PKD1L1: variants seen among roughly 807,000 people sequenced by gnomAD.
PKD1L1 encodes the protein polycystin-1-like protein 1.
PKD1L1 carries 236 observed loss-of-function variants against 323.4 expected under a neutral mutation model. That is an observed-to-expected ratio of 0.73 (90% confidence interval 0.66 to 0.81). The LOEUF is 0.81. Ranked by LOEUF, PKD1L1 falls within the 40% of genes least tolerant of loss-of-function variation. The probability of loss-of-function intolerance (pLI) is 0.00; values close to 1 mark genes in which losing one functional copy is unlikely to be tolerated. For synonymous variants in PKD1L1, 1,344 were observed against 1,335.0 expected (o/e 1.01, Z -0.15); for missense variants, 3,320 against 3,508.0 (o/e 0.95, Z 1.35).
At chr7:47,776,914 A>C (rs1390065526) in intron 56 of PKD1L1, among the ~76,000 whole-genome samples, 1 of 152,006 alleles carries the variant, frequency 6.6e-6, no homozygotes, top group Non-Finnish European at 1.5e-5. Context: ...TTTTTTGAGA[A>C]GGAGTCTTGC....
intron 8 of PKD1L1, among the ~76,000 whole-genome samples, chr7:47,912,525 A>G (rs1444866461): frequency 6.6e-6 from 1 of 152,122 alleles, no homozygotes; most frequent in Non-Finnish European, 1.5e-5. Context: ...AAATAAAGAA[A>G]TAACTACCGG....
At chr7:47,859,777 C>T (rs1160608215) in intron 26 of PKD1L1, among the ~76,000 whole-genome samples, 1 of 152,104 alleles carries the variant, frequency 6.6e-6, no homozygotes, top group Non-Finnish European at 1.5e-5. Flanking sequence ...AGGCACCCAC[C>T]ACCATGCCCA....
intron 46 of PKD1L1, 61 bp downstream of exon 46, chr7:47,821,015 C>T: frequency 2.0e-6 from 2 of 992,650 alleles, no homozygotes; most frequent in East Asian, 2.4e-5. Context: ...GGGGAAGGTG[C>T]ACACAGGCTA....
At chr7:47,777,355 C>T (rs1415312917) in intron 56 of PKD1L1, among the ~76,000 whole-genome samples, 1 of 152,206 alleles carries the variant, frequency 6.6e-6, no homozygotes, top group Non-Finnish European at 1.5e-5. Context: ...ATGGTCTCCT[C>T]CTTCCATGGA....
In PKD1L1 at chr7:47,827,525, C is replaced by T. The variant is rs1323007050; in HGVS notation, c.6736-57G>A. The T allele has an allele frequency of 3.5e-6, 5 of 1,427,448 alleles. No homozygotes were observed. In the African/African-American group the frequency reaches 5.6e-5, roughly 16 times the overall value. 88.4% of individuals were successfully genotyped at this position (1,427,448 alleles called of 1,614,324 possible). A position where few individuals can be genotyped will look rare whatever the true frequency, so the allele number is the denominator to read the frequency against. On this transcript the variant is annotated intron_variant, in intron 44 of 56. Coordinates refer to ENST00000289672, the MANE Select transcript of PKD1L1 (RefSeq NM_138295.5). ...GCTGGTGGGTGGAAGGAGAGAGGCC[C>T]CTGGTGCTCCTGCCAAGCCAAGGAA...
At chr7:47,912,470 A>T (rs1787341039) in intron 8 of PKD1L1, among the ~76,000 whole-genome samples, 1 of 152,176 alleles carries the variant, frequency 6.6e-6, no homozygotes, top group Non-Finnish European at 1.5e-5. Context: ...GGTGACCCAG[A>T]GTGGCCAGCA....
chr7:47,922,859 G>A (rs953235176), intron 7 of PKD1L1, among the ~76,000 whole-genome samples: 4 of 152,336 alleles, frequency 2.6e-5, no homozygotes, highest in Non-Finnish European at 4.4e-5. Context: ...CATTGAGAAC[G>A]GGCCATGATG....
chr7:47,803,969 G>T (rs1008783958), intron 52 of PKD1L1, among the ~76,000 whole-genome samples: 23 of 152,162 alleles, frequency 1.5e-4, no homozygotes, highest in Admixed American at 1.2e-3. Context: ...TAGGAAGGCT[G>T]CTCCCTTCTC....
Position 47,884,665 on chromosome 7 carries a change from A to G in PKD1L1, c.3206-8T>C. The G allele has an allele frequency of 1.2e-6, 2 of 1,609,716 alleles. No homozygotes were observed. The highest frequency in any genetic ancestry group is 1.7e-6 in the Non-Finnish European group (2 of 1,175,980). ...TGTAATAGGCTTCAAAATCTATAAG[A>G]AAGGACAAAATCATAATGTTTCCTT... On this transcript the variant is annotated splice_region_variant and splice_polypyrimidine_tract_variant and intron_variant, in intron 18 of 56. Coordinates refer to ENST00000289672, the MANE Select transcript of PKD1L1 (RefSeq NM_138295.5).
At chr7:47,781,852 G>A (rs1219512442) in intron 56 of PKD1L1, among the ~76,000 whole-genome samples, 1 of 152,082 alleles carries the variant, frequency 6.6e-6, no homozygotes, top group African/African-American at 2.4e-5. Context: ...ATGAGGTATA[G>A]GTACAAGTTC....
At chr7:47,800,168 C>T (rs1049251720) in intron 54 of PKD1L1, among the ~76,000 whole-genome samples, 1 of 152,186 alleles carries the variant, frequency 6.6e-6, no homozygotes, top group African/African-American at 2.4e-5. Context: ...TATGACATGA[C>T]TAGATTTGCC....
Position 47,943,518 on chromosome 7 carries a change from G to T in PKD1L1, c.45-7C>A. The stretch of plus-strand genomic sequence containing the variant: ...GCAGGCAGCCTGGAGACACCTAAGG[G>T]AAAGAAAATAACCAGAGGAAAATTA... On this transcript the variant is annotated splice_polypyrimidine_tract_variant and splice_region_variant and intron_variant, in intron 1 of 56. Transcript: ENST00000289672. The T allele has an allele frequency of 6.2e-7, 1 of 1,607,368 alleles. No individual in the cohort carries two copies. The highest frequency in any genetic ancestry group is 8.5e-7 in the Non-Finnish European group (1 of 1,174,660).
rs1349351825 is a variant in PKD1L1 at position 47,835,326 on chromosome 7, T to C, written c.5944-83A>G. The stretch of plus-strand genomic sequence containing the variant: ...CAGTCATTGTGTAATTACAAATACA[T>C]GTAATGTGAATACATACATTATATT... On this transcript the variant is annotated intron_variant, in intron 37 of 56. Transcript: ENST00000289672. 2.8e-5 allele frequency: 23 copies of C among 816,848 alleles called. No individual in the cohort carries two copies. In the Admixed American group the frequency reaches 6.4e-4, roughly 23 times the overall value. 50.6% of individuals were successfully genotyped at this position (816,848 alleles called of 1,614,324 possible).
intron 54 of PKD1L1, among the ~76,000 whole-genome samples, chr7:47,796,471 C>T (rs1437112284): frequency 6.6e-6 from 1 of 152,170 alleles, no homozygotes; most frequent in Non-Finnish European, 1.5e-5. Context: ...GTTTCAGTGT[C>T]CCCTGGTGAA....
rs766902715 is a variant in PKD1L1 at position 47,853,164 on chromosome 7, T to A, written c.4923A>T (p.Ser1641=). 1 of 1,613,832 alleles carries A rather than the reference T, an allele frequency of 6.2e-7. No individual in the cohort carries two copies. Among genetic ancestry groups the A allele is most frequent in the Non-Finnish European group, 8.5e-7 (1 of 1,179,762 alleles). The change falls in exon 31 of 57, where the codon TCA becomes TCT. Residue 1641 remains serine, a synonymous_variant. Coordinates refer to ENST00000289672, the MANE Select transcript of PKD1L1 (RefSeq NM_138295.5). ...LVKQIYFWDE[S]IVQIYIPAAS... ...CAGCAGGTATATAAATCTGCACAAT[T>A]GACTCATCCCAGAAGTAGATCTGCT...
chr7:47,797,981 C>T (rs1418080818), intron 54 of PKD1L1, among the ~76,000 whole-genome samples: 2 of 152,066 alleles, frequency 1.3e-5, no homozygotes, highest in Admixed American at 6.5e-5. Context: ...ATTCTAGGAT[C>T]AAAAAAGCTT....
intron 52 of PKD1L1, among the ~76,000 whole-genome samples, chr7:47,807,933 C>T (rs1784815229): frequency 6.6e-6 from 1 of 152,170 alleles, no homozygotes; most frequent in Non-Finnish European, 1.5e-5. Context: ...CAAGTCAGCG[C>T]TAGCCTCCTT....
intron 13 of PKD1L1, 37 bp from the exon 14 acceptor site, chr7:47,898,231 T>A (rs1266268708): frequency 6.5e-7 from 1 of 1,530,604 alleles, no homozygotes; most frequent in Admixed American, 1.7e-5. Flanking sequence ...CATTAAAATG[T>A]CCATCACATC....
intron 53 of PKD1L1, among the ~76,000 whole-genome samples, chr7:47,802,704 C>T (rs1326531653): frequency 2.6e-5 from 4 of 152,228 alleles, no homozygotes; most frequent in African/African-American, 9.6e-5. Flanking sequence ...TTCATCAGGG[C>T]TCCAAGCTGT....
Sources: allele counts gnomAD v4.1 joint callset (sites outside exome capture counted in the v4.1 genomes callset), GRCh38; gene constraint gnomAD v4.1.1; transcripts MANE v1.5; gene names NCBI Gene and HGNC (gene_info 2026-07-23, HGNC 2026-07-21).